STK32B: variants seen among roughly 807,000 people sequenced by gnomAD.
STK32B encodes serine/threonine-protein kinase 32B.
In STK32B, 43 loss-of-function variants were observed where a neutral mutation model predicts 52.6. That is an observed-to-expected ratio of 0.82 (90% confidence interval 0.64 to 1.05). The LOEUF (loss-of-function observed/expected upper bound fraction) is 1.05. Among genes scored for constraint, STK32B ranks in the 50% least tolerant of loss-of-function variants. The pLI is 0.00. For missense variants in STK32B, 621 were observed against 534.6 expected (o/e 1.16, Z -1.59); for synonymous variants, 238 against 204.3 (o/e 1.17, Z -1.41).
intron 7 of STK32B, among the ~76,000 whole-genome samples, chr4:5,455,859 A>G (rs1470778114): frequency 6.6e-6 from 1 of 152,204 alleles, no homozygotes; most frequent in Non-Finnish European, 1.5e-5. Flanking sequence ...TATTAATGGC[A>G]GTCAACTTCA....
chr4:5,146,412 G>C (rs1716918600), intron 2 of STK32B, among the ~76,000 whole-genome samples: 1 of 152,184 alleles, frequency 6.6e-6, no homozygotes, highest in African/African-American at 2.4e-5. Flanking sequence ...ATGTTGTAGG[G>C]CAGAAAGCAT....
intron 3 of STK32B, among the ~76,000 whole-genome samples, chr4:5,239,719 C>A (rs1403727264): frequency 6.6e-5 from 10 of 151,874 alleles, no homozygotes; most frequent in African/African-American, 2.4e-4. Flanking sequence ...TGTTGGCTGG[C>A]AGCTTTAATT....
At chr4:5,485,318 C>T (rs1199733077) in intron 11 of STK32B, among the ~76,000 whole-genome samples, 1 of 152,110 alleles carries the variant, frequency 6.6e-6, no homozygotes, top group Admixed American at 6.6e-5. Context: ...AACTTCTCTT[C>T]TCGATTCTTT....
intron 1 of STK32B, among the ~76,000 whole-genome samples, chr4:5,078,850 CA>C (rs1048412429): frequency 3.9e-5 from 6 of 152,158 alleles, no homozygotes; most frequent in African/African-American, 1.4e-4. Flanking sequence ...GGGGCCAGCA[CA>C]GGGAAGTGGA....
At chr4:5,042,163 C>G in the STK32B span, among the ~76,000 whole-genome samples, 1 of 152,092 alleles carries the variant, frequency 6.6e-6, no homozygotes, top group African/African-American at 2.4e-5. Context: ...AAAAAGAATC[C>G]CAGTTCATAT....
intron 3 of STK32B, chr4:5,204,281 G>A (rs1311165429): frequency 6.5e-6 from 1 of 152,770 alleles, no homozygotes; most frequent in Admixed American, 6.5e-5. Context: ...CATGTGTTCT[G>A]TGCTGGGACT....
At chr4:5,495,347 A>C (rs965375177) in intron 11 of STK32B, among the ~76,000 whole-genome samples, 1 of 151,704 alleles carries the variant, frequency 6.6e-6, no homozygotes, top group African/African-American at 2.4e-5. Context: ...CGCTGATACC[A>C]TTTCTTCCAG....
At chr4:5,246,726 G>A (rs1725476592) in intron 3 of STK32B, among the ~76,000 whole-genome samples, 1 of 152,174 alleles carries the variant, frequency 6.6e-6, no homozygotes, top group Non-Finnish European at 1.5e-5. Flanking sequence ...GGTCTTTGAT[G>A]ATGGTGACAT....
Position 5,331,321 on chromosome 4 carries a change from G to A in STK32B, c.362G>A (p.Gly121Glu), listed in dbSNP as rs1400249355. The change falls in exon 4 of 12, where the codon GGG (glycine) becomes GAG (glutamate). Residue 121 changes from glycine to glutamate, a missense_variant. By Grantham distance (98) the Gly-to-Glu change is moderately conservative. Coordinates refer to ENST00000282908, the MANE Select transcript of STK32B (RefSeq NM_018401.3). The part of the protein sequence containing the change: ...HLQQNVHFTE[G>E]TVKLYICELA... Reference sequence around the variant, plus strand: ...CAGCAGAATGTGCATTTCACAGAGGGGACTGTGAAACTCTACATCTGTGAG... The same window carrying A: ...CAGCAGAATGTGCATTTCACAGAGGAGACTGTGAAACTCTACATCTGTGAG... The A allele has an allele frequency of 3.7e-6, 6 of 1,613,924 alleles. No homozygotes were observed. Among genetic ancestry groups the A allele is most frequent in the Non-Finnish European group, 5.1e-6 (6 of 1,179,900 alleles).
intron 3 of STK32B, among the ~76,000 whole-genome samples, chr4:5,297,553 C>T (rs112387822): frequency 0.14 from 20,683 of 150,704 alleles, 2,832 homozygotes; most frequent in African/African-American, 0.36. Flanking sequence ...CTTTCTTCCA[C>T]TTGATTGATT....
At chr4:5,280,923 G>A (rs936376577) in intron 3 of STK32B, among the ~76,000 whole-genome samples, 9 of 151,768 alleles carry the variant, frequency 5.9e-5, no homozygotes, top group African/African-American at 1.7e-4. Context: ...AAACAAAAAC[G>A]AAACAAAACA....
At chr4:5,420,071 T>C (rs577836654) in intron 6 of STK32B, among the ~76,000 whole-genome samples, 1 of 152,256 alleles carries the variant, frequency 6.6e-6, no homozygotes, top group South Asian at 2.1e-4. Context: ...GACACAAGTA[T>C]TTCTTTCCAT....
chr4:5,183,516 C>A (rs528629947), intron 3 of STK32B, among the ~76,000 whole-genome samples: 231 of 151,838 alleles, frequency 1.5e-3, no homozygotes, highest in African/African-American at 5.5e-3. Context: ...TAAAATAAAA[C>A]CGGCCATTGA....
At chr4:5,424,633 T>C (rs938526671) in intron 6 of STK32B, among the ~76,000 whole-genome samples, 1 of 152,126 alleles carries the variant, frequency 6.6e-6, no homozygotes, top group African/African-American at 2.4e-5. Flanking sequence ...CCACTTCAGG[T>C]CTCCTGAGAG....
chr4:5,174,156 C>A (rs199502763), intron 3 of STK32B, among the ~76,000 whole-genome samples: 28,255 of 151,594 alleles, frequency 0.19, 3,305 homozygotes, highest in East Asian at 0.3. Flanking sequence ...TTTTCTTGGT[C>A]GATCTTCCTC....
At chr4:5,139,761 G>C in intron 1 of STK32B, 144 bp from the exon 2 acceptor site, 1 of 799,392 alleles carries the variant, frequency 1.3e-6, no homozygotes, top group Non-Finnish European at 2.1e-6. Flanking sequence ...CTGTGGATAA[G>C]GGTGGACGGC....
chr4:5,247,240 C>T (rs113156561), intron 3 of STK32B, among the ~76,000 whole-genome samples: 3,345 of 151,948 alleles, frequency 0.022, 53 homozygotes, highest in East Asian at 0.078. Context: ...GCTTCCTGGC[C>T]GCTTTTTTTA....
chr4:5,193,148 G>T (rs923083528), intron 3 of STK32B, among the ~76,000 whole-genome samples: 1 of 152,100 alleles, frequency 6.6e-6, no homozygotes, highest in Admixed American at 6.5e-5. Flanking sequence ...TGATAGCTCC[G>T]GGGTGGGCCA....
chr4:5,057,470 C>T (rs568047069), intron 1 of STK32B, among the ~76,000 whole-genome samples: 15 of 152,274 alleles, frequency 9.9e-5, no homozygotes, highest in African/African-American at 2.9e-4. Context: ...CTCAGGATGT[C>T]ACCACTCTTC....
Sources: allele counts gnomAD v4.1 joint callset (sites outside exome capture counted in the v4.1 genomes callset), GRCh38; gene constraint gnomAD v4.1.1; transcripts MANE v1.5; gene names NCBI Gene and HGNC (gene_info 2026-07-23, HGNC 2026-07-21).